GAS6: variants seen among roughly 807,000 people sequenced by gnomAD.
The protein encoded by GAS6 is growth arrest specific 6.
GAS6 carries 41 observed loss-of-function variants against 75.8 expected under a neutral mutation model. That is an observed-to-expected ratio of 0.54 (90% CI 0.42 to 0.70). The LOEUF (loss-of-function observed/expected upper bound fraction) is 0.70. Ranked by LOEUF, GAS6 falls within the 30% of genes least tolerant of loss-of-function variation. The pLI is 0.00. For synonymous variants in GAS6, 432 were observed against 412.6 expected (o/e 1.05, Z -0.57); for missense variants, 854 against 940.2 (o/e 0.91, Z 1.20).
Position 113,835,521 on chromosome 13 carries a change from G to A in GAS6, c.704C>T (p.Ala235Val). 6.2e-7 allele frequency: 1 copy of A among 1,612,526 alleles called. No individual in the cohort carries two copies. Among genetic ancestry groups the A allele is most frequent in the Middle Eastern group, 1.7e-4 (1 of 6,036 alleles). ...CCGCGTGGCGTGGGTACCTCGGCAA[G>A]CCTTCTCCTGGGAGCTGTACGCAAA... ...EGFAYSSQEK[A>V]CRDVDECLQG... Residue 235 changes from alanine to valine, a missense_variant, in exon 7 of 15, where the codon GCT becomes GTT. By Grantham distance (64) the Ala-to-Val change is moderately conservative. Coordinates refer to ENST00000327773, the MANE Select transcript of GAS6 (RefSeq NM_000820.4).
At chr13:113,828,245 C>A (rs973637297) in intron 11 of GAS6, among the ~76,000 whole-genome samples, 4 of 151,744 alleles carry the variant, frequency 2.6e-5, no homozygotes, top group Admixed American at 1.3e-4. Context: ...GCCTGGGCAA[C>A]AGAGCAAGAC....
chr13:113,826,755 C>A (rs571415013), intron 12 of GAS6, among the ~76,000 whole-genome samples: 1 of 152,108 alleles, frequency 6.6e-6, no homozygotes, highest in Non-Finnish European at 1.5e-5. Context: ...GGCACCTTCT[C>A]GGCACATCTC....
chr13:113,821,353 T>C (rs564321184), intron 14 of GAS6: 65 of 297,664 alleles, frequency 2.2e-4, no homozygotes, highest in African/African-American at 1.3e-3. Flanking sequence ...TTCAAAGCTC[T>C]GTTTATTAAA....
Position 113,837,221 on chromosome 13 carries a change from A to T in GAS6, c.589+848T>A, listed in dbSNP as rs766566887. The stretch of plus-strand genomic sequence containing the variant: ...ACACAGGGCTAACTCCTGGGTGGTC[A>T]GGGAAGGGAACCACCAAAGTGGACA... On this transcript the variant is annotated intron_variant, in intron 6 of 14. Coordinates refer to ENST00000327773, the MANE Select transcript of GAS6 (RefSeq NM_000820.4). This position sits in a 1 kb window ranked among gnomAD's most constrained non-coding sequence, Gnocchi z 5.1. 6.6e-6 allele frequency among the ~76,000 whole-genome samples: 1 copy of T among 152,032 alleles called. No individual in the cohort carries two copies. Among genetic ancestry groups the T allele is most frequent in the Non-Finnish European group, 1.5e-5 (1 of 67,982 alleles).
Position 113,845,869 on chromosome 13 carries a change from G to A in GAS6, c.343+658C>T, listed in dbSNP as rs1425664015. 6.6e-6 allele frequency: 1 copy of A among 152,220 alleles called. No homozygotes were observed. The highest frequency in any genetic ancestry group is 2.4e-5 in the African/African-American group (1 of 41,440). 9.4% of individuals were successfully genotyped at this position (152,220 alleles called of 1,614,324 possible). Reference sequence around the variant, plus strand: ...GGGCGGAGGCTAAGGCTGGCTCTGGGATAATTTGGCAGTATCTGTATCCAA... The same window carrying A: ...GGGCGGAGGCTAAGGCTGGCTCTGGAATAATTTGGCAGTATCTGTATCCAA... On this transcript the variant is annotated intron_variant, in intron 4 of 14. Transcript: ENST00000327773. This position sits in a 1 kb window ranked among gnomAD's most constrained non-coding sequence, Gnocchi z 4.3.
rs2051466976 is a variant in GAS6 at position 113,822,057 on chromosome 13, C to T, written c.1783G>A (p.Gly595Ser). The T allele has an allele frequency of 2.5e-6, 4 of 1,587,136 alleles. No individual in the cohort carries two copies. Among genetic ancestry groups the T allele is most frequent in the Non-Finnish European group, 3.4e-6 (4 of 1,168,772 alleles). Reference sequence around the variant, plus strand: ...TGCGCGGCGCTCACCTCGCTCTGGCCCCTGGTGCCGTCCACCTCCAGGGTG... The same window carrying T: ...TGCGCGGCGCTCACCTCGCTCTGGCTCCTGGTGCCGTCCACCTCCAGGGTG... ...EATLEVDGTR[G>S]QSEVSAAQLQ... The change falls in exon 14 of 15, where the codon GGC (glycine) becomes AGC (serine). Residue 595 changes from glycine (G) to serine (S), a missense_variant. Gly to Ser is a moderately conservative substitution (Grantham distance 56). Coordinates refer to ENST00000327773, the MANE Select transcript of GAS6 (RefSeq NM_000820.4).
At chr13:113,830,852 C>T (rs1159996255) in intron 10 of GAS6, among the ~76,000 whole-genome samples, 1 of 152,258 alleles carries the variant, frequency 6.6e-6, no homozygotes, top group Non-Finnish European at 1.5e-5. Context: ...TGCCCTGGGG[C>T]CCTCCTCCCC....
intron 11 of GAS6, among the ~76,000 whole-genome samples, chr13:113,827,592 C>T (rs898089758): frequency 1.3e-5 from 2 of 148,710 alleles, no homozygotes; most frequent in Admixed American, 6.7e-5. Context: ...GCCTGGGAAG[C>T]AGGTGCCCCT....
At chr13:113,825,264 C>G (rs2051521419) in intron 12 of GAS6, among the ~76,000 whole-genome samples, 1 of 140,566 alleles carries the variant, frequency 7.1e-6, no homozygotes, top group African/African-American at 2.8e-5. Context: ...AAAAAGGAAG[C>G]TCCTGACAGG....
In GAS6 at chr13:113,845,942, C is replaced by G. The variant is rs1305474880; in HGVS notation, c.343+585G>C. On this transcript the variant is annotated intron_variant, in intron 4 of 14. Transcript: ENST00000327773. The surrounding 1 kb of genome is among the most constrained non-coding windows in gnomAD (Gnocchi z 4.3). Reference sequence around the variant, plus strand: ...GCGATTCCATCCTTGGGAACGCATCCCGCAGACACTCAGACGTGTGGGAGG... The same window carrying G: ...GCGATTCCATCCTTGGGAACGCATCGCGCAGACACTCAGACGTGTGGGAGG... Among the ~76,000 whole-genome samples, 1 of 152,214 alleles carries G rather than the reference C, an allele frequency of 6.6e-6. No homozygotes were observed. Among genetic ancestry groups the G allele is most frequent in the Non-Finnish European group, 1.5e-5 (1 of 68,038 alleles).
intron 12 of GAS6, among the ~76,000 whole-genome samples, chr13:113,824,178 G>A (rs1259188578): frequency 8.0e-6 from 1 of 125,384 alleles, no homozygotes; most frequent in African/African-American, 3.6e-5. Flanking sequence ...TGGGGTCTGA[G>A]CTGTCAGGAG....
Position 113,832,733 on chromosome 13 carries a change from G to C in GAS6, c.854C>G (p.Pro285Arg). The part of the protein sequence containing the change: ...DTCEDILPCV[P>R]FSVAKSVKSL... ...CTTCACACTCTTGGCCACGCTGAAG[G>C]GCACGCACGGCAAGATGTCCTGCCA... is the stretch of plus-strand genomic sequence containing the variant. The change falls in exon 9 of 15, where the codon CCC (proline) becomes CGC (arginine). Residue 285 changes from proline to arginine, a missense_variant. Transcript: ENST00000327773. 6 of 1,612,710 alleles carry C rather than the reference G, an allele frequency of 3.7e-6. No individual in the cohort carries two copies. Among genetic ancestry groups the C allele is most frequent in the Non-Finnish European group, 5.1e-6 (6 of 1,179,936 alleles).
At chr13:113,821,746 G>C in intron 14 of GAS6, 1 of 535,832 alleles carries the variant, frequency 1.9e-6, no homozygotes, top group Non-Finnish European at 3.3e-6. Context: ...GCCCCCGTAC[G>C]TGTTTCTCAG....
intron 7 of GAS6, among the ~76,000 whole-genome samples, 167 bp downstream of exon 7, chr13:113,835,346 G>A (rs779190540): frequency 2.6e-4 from 40 of 151,738 alleles, no homozygotes; most frequent in Non-Finnish European, 3.8e-4. Context: ...ACGTGTGTGC[G>A]GGCATGGTGG....
chr13:113,826,479 T>G lies in GAS6; in HGVS notation c.1477+517A>C, dbSNP rs1338149753. Among the ~76,000 whole-genome samples, 181 of 101,800 alleles carry G rather than the reference T, an allele frequency of 1.8e-3. 1 individual carries two copies. The highest frequency in any genetic ancestry group is 0.014 in the Middle Eastern group (2 of 144). 66.8% of individuals were successfully genotyped at this position (101,800 alleles called of 152,430 possible). A position where few individuals can be genotyped will look rare whatever the true frequency, so the allele number is the denominator to read the frequency against. On this transcript the variant is annotated intron_variant, in intron 12 of 14. Transcript: ENST00000327773. ...CCCGGCGCCGGCCTCGCAGGCACCTTCTCTCCCCGGCCTCCCGGCGCCGGC... is the reference window on the plus strand; with the variant it reads ...CCCGGCGCCGGCCTCGCAGGCACCTGCTCTCCCCGGCCTCCCGGCGCCGGC...
chr13:113,861,465 G>C (rs9577917), intron 2 of GAS6, among the ~76,000 whole-genome samples: 2 of 152,152 alleles, frequency 1.3e-5, no homozygotes, highest in Non-Finnish European at 2.9e-5. Flanking sequence ...TCAATCAGCC[G>C]CACTGCACAA....
chr13:113,825,149 CGGAGGTTGTGGTATGAACCTGGGAGGT>C (rs2051518554), intron 12 of GAS6, among the ~76,000 whole-genome samples: 1 of 135,578 alleles, frequency 7.4e-6, no homozygotes, highest in Non-Finnish European at 1.5e-5. Flanking sequence ...ACCTGGGAGG[CGGAGGTTGTGGTATGAACCTGGGAGGT>C]GGAGCCAAGA....
At chr13:113,832,826 C>T (rs558634177) in intron 8 of GAS6, 74 bp from the exon 9 acceptor site, 43 of 1,603,158 alleles carry the variant, frequency 2.7e-5, no homozygotes, top group East Asian at 6.7e-5. Context: ...ACGCCCCGGC[C>T]GCGCAGCGGG....
In GAS6 at chr13:113,838,000, G is replaced by C. The variant is rs1026692777; in HGVS notation, c.589+69C>G. 8 of 1,583,548 alleles carry C rather than the reference G, an allele frequency of 5.1e-6. No individual in the cohort carries two copies. The highest frequency in any genetic ancestry group is 6.9e-6 in the Non-Finnish European group (8 of 1,164,652). ...CAGCCAGCAGCAGCCGCTTGCAGAA[G>C]AGCAGACATGACCGAAAATAGAAGG... On this transcript the variant is annotated intron_variant, in intron 6 of 14. Coordinates refer to ENST00000327773, the MANE Select transcript of GAS6 (RefSeq NM_000820.4). This position sits in a 1 kb window ranked among gnomAD's most constrained non-coding sequence, Gnocchi z 5.1.
Sources: gnomAD v4.1 joint callset for allele counts (sites outside exome capture counted in the v4.1 genomes callset) on GRCh38, gnomAD v4.1.1 for gene constraint, Gnocchi (gnomAD v3.1) non-coding constraint, MANE v1.5 for transcripts, NCBI Gene and HGNC (gene_info 2026-07-23, HGNC 2026-07-21) for gene names.